STAG3: variants seen among roughly 807,000 people sequenced by gnomAD.
STAG3 encodes the protein STAG3 cohesin complex component, also known as cohesin subunit SA-3.
A neutral mutation model predicts 160.7 loss-of-function variants in STAG3; 101 were observed. The observed-to-expected ratio is 0.63, with a 90% CI of 0.54 to 0.74. STAG3 has a LOEUF of 0.74. Ranked by LOEUF, STAG3 falls within the 30% of genes least tolerant of loss-of-function variation. STAG3 has a pLI of 0.00. For synonymous variants in STAG3, 519 were observed against 585.0 expected (o/e 0.89, Z 1.63); for missense variants, 1,188 against 1,517.4 (o/e 0.78, Z 3.61).
chr7:100,211,412 C>A (rs780393156), intron 30 of STAG3, 23 bp from the exon 31 acceptor site: 1 of 1,610,064 alleles, frequency 6.2e-7, no homozygotes, highest in Non-Finnish European at 8.5e-7. Flanking sequence ...TTTATCCCAT[C>A]ATTGATCCTG....
chr7:100,209,218 T>TCA (rs1380801678), intron 29 of STAG3, among the ~76,000 whole-genome samples: 5 of 152,206 alleles, frequency 3.3e-5, no homozygotes, highest in Non-Finnish European at 7.3e-5. Context: ...CACTCTGAGT[T>TCA]GAGTTTCAGT....
intron 1 of STAG3, among the ~76,000 whole-genome samples, chr7:100,178,310 C>T (rs78894444): frequency 0.021 from 3,226 of 152,250 alleles, 111 homozygotes; most frequent in African/African-American, 0.07. Context: ...TGCCTTTCCT[C>T]CTTTTGCGTT....
chr7:100,186,225 G>C lies in STAG3; in HGVS notation c.362G>C (p.Ser121Thr). The C allele has an allele frequency of 6.2e-7, 1 of 1,614,118 alleles. No individual in the cohort carries two copies. ...TCTTTGGTAGATGAGTGGCTGGATA[G>C]CTACAAGCAAGACCAGGATGCAGGA... Reference protein sequence around the residue: ...MQSLVDEWLDSYKQDQDAGFL... With the variant: ...MQSLVDEWLDTYKQDQDAGFL... Residue 121 changes from serine to threonine, a missense_variant, in exon 5 of 34, where the codon AGC (serine) becomes ACC (threonine). Ser to Thr is a moderately conservative substitution (Grantham distance 58). Around this residue, in one of 4 missense-constraint regions of STAG3, gnomAD observed 296 missense variants for 404.0 expected, o/e 0.73. Transcript: ENST00000615138.
rs1432016557 is a variant in STAG3, at chr7:100,201,977, T to C, written c.2330T>C (p.Met777Thr). Residue 777 changes from methionine to threonine, a missense_variant, in exon 23 of 34, where the codon ATG becomes ACG. Physicochemically the swap from Met to Thr is moderately conservative, Grantham distance 81. This residue lies in a region of STAG3 where 647 missense variants were observed against 717.2 expected (regional missense o/e 0.90). Transcript: ENST00000615138. ...CAGCTGTCGAGTTTGAGGGACAGAATGGTGGCCTTCTGTGAACTCTGCCAG... is the reference window on the plus strand; with the variant it reads ...CAGCTGTCGAGTTTGAGGGACAGAACGGTGGCCTTCTGTGAACTCTGCCAG... ...QKQLSSLRDR[M>T]VAFCELCQSC... 10 of 1,614,088 alleles carry C rather than the reference T, an allele frequency of 6.2e-6. No individual in the cohort carries two copies. In the African/African-American group the frequency reaches 8.0e-5, roughly 13 times the overall value.
intron 2 of STAG3, 131 bp from the exon 3 acceptor site, chr7:100,181,959 T>C: frequency 1.7e-6 from 1 of 580,090 alleles, no homozygotes; most frequent in South Asian, 2.6e-5. Flanking sequence ...AGCTCATTTT[T>C]TCTTAAAATC....
Position 100,180,508 on chromosome 7 carries a change from T to A in STAG3, c.-49T>A, listed in dbSNP as rs780055255. 6 of 1,116,574 alleles carry A rather than the reference T, an allele frequency of 5.4e-6. No homozygotes were observed. The South Asian group carries it at 7.4e-5, about 14-fold the overall frequency. The allele number at this position is 1,116,574 out of a possible 1,614,324, so 69.2% of individuals were successfully genotyped here. A position where few individuals can be genotyped will look rare whatever the true frequency, so the allele number is the denominator to read the frequency against. On this transcript the variant is annotated 5_prime_UTR_variant, in exon 2 of 34. Coordinates refer to ENST00000615138, the MANE Select transcript of STAG3 (RefSeq NM_001282717.2). ...TCTTCCCCAGCTGGATCGCCATACCTACCCTGTGGTCCTCATCTTCCTGGC... is the reference window on the plus strand; with the variant it reads ...TCTTCCCCAGCTGGATCGCCATACCAACCCTGTGGTCCTCATCTTCCTGGC...
chr7:100,217,678 G>A (rs956871925), downstream of STAG3, among the ~76,000 whole-genome samples: 2 of 152,114 alleles, frequency 1.3e-5, no homozygotes, highest in Admixed American at 1.3e-4. Context: ...CATCTCTATC[G>A]ATAGATAAGG....
intron 4 of STAG3, among the ~76,000 whole-genome samples, chr7:100,185,972 A>G (rs947016809): frequency 6.6e-6 from 1 of 152,240 alleles, no homozygotes. Context: ...CCAGGGATTA[A>G]TGAAACCTTT....
intron 32 of STAG3, chr7:100,212,157 T>C (rs1328212121): frequency 1.6e-5 from 5 of 312,964 alleles, no homozygotes; most frequent in African/African-American, 4.3e-5. Context: ...CCCCTAGGAA[T>C]TGGAAGGAGT....
chr7:100,218,652 G>C (rs1636987), downstream of STAG3: 237,421 of 354,164 alleles, frequency 0.67, 95,325 homozygotes, highest in African/African-American at 0.88. Context: ...GTAAGTCACC[G>C]CATCCTTATA....
At chr7:100,199,783 C>T in intron 16 of STAG3, 139 bp downstream of exon 16, 1 of 686,816 alleles carries the variant, frequency 1.5e-6, no homozygotes, top group Non-Finnish European at 2.4e-6. Flanking sequence ...GGGCCAGGCG[C>T]AGTGGCTTAC....
chr7:100,188,944 G>A lies in STAG3; in HGVS notation c.643G>A (p.Asp215Asn), dbSNP rs748835712. The part of the protein sequence containing the change: ...SLLYDGFPMD[D>N]LISLLTGLSD... Reference sequence around the variant, plus strand: ...CCTCTATGATGGCTTCCCTATGGACGACCTCATCTCCCTGCTCACTGGCCT... The same window carrying A: ...CCTCTATGATGGCTTCCCTATGGACAACCTCATCTCCCTGCTCACTGGCCT... The change falls in exon 7 of 34, where the codon GAC becomes AAC. Residue 215 changes from aspartate (D) to asparagine (N), a missense_variant. Asp to Asn is a conservative substitution (Grantham distance 23). Transcript: ENST00000615138. 3 of 1,614,104 alleles carry A rather than the reference G, an allele frequency of 1.9e-6. No individual in the cohort carries two copies. The highest frequency in any genetic ancestry group is 2.5e-6 in the Non-Finnish European group (3 of 1,180,018).
At position 100,201,908 on chromosome 7, in the gene STAG3, CTG is replaced by C. The variant is rs765486365; in HGVS notation, c.2302-37_2302-36del. On this transcript the variant is annotated intron_variant, in intron 22 of 33. Coordinates refer to ENST00000615138, the MANE Select transcript of STAG3 (RefSeq NM_001282717.2). The stretch of plus-strand genomic sequence containing the variant: ...GATGGGATAATGGGAACAGAGGAGT[CTG>C]TGTCTTCATTCTTCCCCTTCAAGCC... 10 of 1,614,034 alleles carry C rather than the reference CTG, an allele frequency of 6.2e-6. No individual in the cohort carries two copies. The South Asian group carries it at 9.9e-5, about 16-fold the overall frequency.
intron 1 of STAG3, among the ~76,000 whole-genome samples, chr7:100,180,122 C>T (rs558656915): frequency 3.3e-5 from 5 of 152,128 alleles, no homozygotes; most frequent in African/African-American, 4.8e-5. Flanking sequence ...GTGGTGCGAT[C>T]GTAGCTCACT....
rs1366241761 is a variant in STAG3, at chr7:100,202,172, G to A, written c.2395G>A (p.Ala799Thr). The A allele has an allele frequency of 6.2e-7, 1 of 1,612,272 alleles. No individual in the cohort carries two copies. Among genetic ancestry groups the A allele is most frequent in the Non-Finnish European group, 8.5e-7 (1 of 1,179,424 alleles). ...SDVDTEIQEQAFVLLSDLLLI... is the reference protein window; with the variant it reads ...SDVDTEIQEQTFVLLSDLLLI... ...AACATCCTTTCTTTTCCCCCTACAGGCTTTTGTCTTATTAAGTGATCTACT... is the reference window on the plus strand; with the variant it reads ...AACATCCTTTCTTTTCCCCCTACAGACTTTTGTCTTATTAAGTGATCTACT... The change falls in exon 24 of 34, where the codon GCT (alanine) becomes ACT (threonine). Residue 799 changes from alanine to threonine, a missense_variant and splice_region_variant. Physicochemically the swap from Ala to Thr is moderately conservative, Grantham distance 58. This residue lies in a region of STAG3 where 647 missense variants were observed against 717.2 expected (regional missense o/e 0.90). Coordinates refer to ENST00000615138, the MANE Select transcript of STAG3 (RefSeq NM_001282717.2).
intron 21 of STAG3, 140 bp from the exon 22 acceptor site, chr7:100,201,646 G>C: frequency 1.3e-6 from 1 of 760,170 alleles, no homozygotes. Context: ...AGAATGTCCA[G>C]AATATCACTC....
chr7:100,198,167 G>C lies in STAG3; in HGVS notation c.1244+1G>C. The C allele has an allele frequency of 6.2e-7, 1 of 1,613,848 alleles. No homozygotes were observed. The highest frequency in any genetic ancestry group is 1.1e-5 in the South Asian group (1 of 91,078). ...TCAGATTACTGATACTTATCCTTAA[G>C]TGAGTCCTGGGAAGAGGGGAGGCCA... On this transcript the variant is annotated splice_donor_variant, in intron 12 of 33. Coordinates refer to ENST00000615138, the MANE Select transcript of STAG3 (RefSeq NM_001282717.2). LOFTEE classifies it high-confidence loss of function.
Position 100,198,472 on chromosome 7 carries a change from C to T in STAG3, c.1245-3C>T. On this transcript the variant is annotated splice_region_variant and splice_polypyrimidine_tract_variant and intron_variant, in intron 12 of 33. Coordinates refer to ENST00000615138, the MANE Select transcript of STAG3 (RefSeq NM_001282717.2). ...CATACTCTTTCTGCTTTTCTGTGGG[C>T]AGGAACATGGAAGGGGTGCTGACGG... is the stretch of plus-strand genomic sequence containing the variant. 6.2e-7 allele frequency: 1 copy of T among 1,614,102 alleles called. No homozygotes were observed. The highest frequency in any genetic ancestry group is 1.1e-5 in the South Asian group (1 of 91,084).
chr7:100,200,996 C>T, intron 19 of STAG3, 27 bp downstream of exon 19: 10 of 1,613,984 alleles, frequency 6.2e-6, no homozygotes, highest in Admixed American at 1.7e-5. Context: ...GACAATGGGA[C>T]ACCCCAAACA....
Sources: allele counts gnomAD v4.1 joint callset (sites outside exome capture counted in the v4.1 genomes callset), GRCh38; gene constraint gnomAD v4.1.1; regional missense constraint gnomAD v4.1.1; transcripts MANE v1.5; gene names NCBI Gene and HGNC (gene_info 2026-07-23, HGNC 2026-07-21).